The following MAPK4 variants were observed in gnomAD, a reference collection of about 807,000 sequenced individuals.
MAPK4 encodes the protein Erk3-related.
In MAPK4, 22 loss-of-function variants were observed where a neutral mutation model predicts 47.7. That is an observed-to-expected ratio of 0.46 (90% CI 0.33 to 0.66). The LOEUF is 0.66. MAPK4 is among the 30% of genes least tolerant of loss of function. MAPK4 has a pLI of 0.02. For synonymous variants in MAPK4, 390 were observed against 365.7 expected (o/e 1.07, Z -0.76); for missense variants, 736 against 831.7 (o/e 0.88, Z 1.42).
chr18:50,671,234 AC>A (rs1188919253), intron 2 of MAPK4, among the ~76,000 whole-genome samples: 2 of 152,124 alleles, frequency 1.3e-5, no homozygotes, highest in African/African-American at 2.4e-5. Context: ...ACTGCCTGCT[AC>A]CCCATGGCAC....
intron 3 of MAPK4, among the ~76,000 whole-genome samples, chr18:50,716,707 T>G (rs575779769): frequency 5.9e-5 from 9 of 152,130 alleles, no homozygotes; most frequent in Non-Finnish European, 1.3e-4. Flanking sequence ...CTCTTCTCAG[T>G]GCTTGCAGCC....
At chr18:50,634,102 G>A (rs995052366) in intron 1 of MAPK4, among the ~76,000 whole-genome samples, 4 of 152,118 alleles carry the variant, frequency 2.6e-5, no homozygotes, top group African/African-American at 7.2e-5. Context: ...ACTCTCAGGT[G>A]CACCATTTCT....
intron 1 of MAPK4, among the ~76,000 whole-genome samples, chr18:50,622,061 A>G (rs1344038148): frequency 1.3e-5 from 2 of 152,172 alleles, no homozygotes; most frequent in Non-Finnish European, 2.9e-5. Flanking sequence ...ATCTCAGTAG[A>G]CTTTATTATA....
chr18:50,681,368 G>C (rs1260688583), intron 2 of MAPK4, among the ~76,000 whole-genome samples: 1 of 152,116 alleles, frequency 6.6e-6, no homozygotes, highest in Non-Finnish European at 1.5e-5. Flanking sequence ...GTTCTTTTGT[G>C]TTGTCTTTTT....
chr18:50,569,554 G>A (rs539762345), intron 1 of MAPK4, among the ~76,000 whole-genome samples: 53 of 152,322 alleles, frequency 3.5e-4, no homozygotes, highest in African/African-American at 1.3e-3. Context: ...CTATCAGAGG[G>A]TGTCCAAGGG....
chr18:50,601,359 A>C (rs897880194), intron 1 of MAPK4, among the ~76,000 whole-genome samples: 1 of 127,258 alleles, frequency 7.9e-6, no homozygotes, highest in Non-Finnish European at 1.7e-5. Flanking sequence ...AAAAAAAAAA[A>C]GTTAGGGTGC....
intron 2 of MAPK4, among the ~76,000 whole-genome samples, chr18:50,686,616 C>T (rs535463413): frequency 6.6e-6 from 1 of 152,348 alleles, no homozygotes; most frequent in South Asian, 2.1e-4. Flanking sequence ...AGCTGGCTTC[C>T]TGTAGCTTCC....
rs777398945 is a variant in MAPK4, at chr18:50,664,338, A to G, written c.380A>G (p.Lys127Arg). 87 of 1,613,786 alleles carry G rather than the reference A, an allele frequency of 5.4e-5. No individual in the cohort carries two copies. Among genetic ancestry groups the G allele is most frequent in the Non-Finnish European group, 6.8e-5 (80 of 1,180,018 alleles). Residue 127 changes from lysine to arginine, a missense_variant, in exon 2 of 6, where the codon AAG (lysine) becomes AGG (arginine). Coordinates refer to ENST00000400384, the MANE Select transcript of MAPK4 (RefSeq NM_002747.4). The surrounding 1 kb of genome is among the most constrained non-coding windows in gnomAD (Gnocchi z 6.0). The part of the protein sequence containing the change: ...EQGTLAEEHA[K>R]LFMYQLLRGL... ...GGCACGCTGGCAGAAGAGCATGCCAAGCTGTTCATGTACCAGCTGCTCCGC... is the reference window on the plus strand; with the variant it reads ...GGCACGCTGGCAGAAGAGCATGCCAGGCTGTTCATGTACCAGCTGCTCCGC...
Position 50,663,870 on chromosome 18 carries a change from G to A in MAPK4, c.-89G>A. 1 of 1,143,392 alleles carries A rather than the reference G, an allele frequency of 8.7e-7. No homozygotes were observed. The highest frequency in any genetic ancestry group is 1.3e-6 in the Non-Finnish European group (1 of 797,236). The allele number at this position is 1,143,392 out of a possible 1,614,324, so 70.8% of individuals were successfully genotyped here. A position where few individuals can be genotyped will look rare whatever the true frequency, so the allele number is the denominator to read the frequency against. On this transcript the variant is annotated 5_prime_UTR_variant, in exon 2 of 6. The change abolishes an upstream ATG in the 5' untranslated region. Coordinates refer to ENST00000400384, the MANE Select transcript of MAPK4 (RefSeq NM_002747.4). ...CCTCAGCCGTGGGACTTGACAGAAT[G>A]AGGTGCGCGAGGGAGGCCGCTAGCC... is the stretch of plus-strand genomic sequence containing the variant.
At chr18:50,576,350 G>A (rs1244159544) in intron 1 of MAPK4, among the ~76,000 whole-genome samples, 1 of 152,186 alleles carries the variant, frequency 6.6e-6, no homozygotes, top group African/African-American at 2.4e-5. Flanking sequence ...CAACGTGGAT[G>A]GAGCTGGAGG....
intron 1 of MAPK4, among the ~76,000 whole-genome samples, chr18:50,646,176 G>A (rs997470798): frequency 1.3e-5 from 2 of 152,118 alleles, no homozygotes; most frequent in Non-Finnish European, 2.9e-5. Flanking sequence ...TTTTTTGTTT[G>A]TTTGTTTTTA....
chr18:50,654,574 A>G (rs2043086741), intron 1 of MAPK4, among the ~76,000 whole-genome samples: 1 of 152,230 alleles, frequency 6.6e-6, no homozygotes, highest in South Asian at 2.1e-4. Flanking sequence ...TTCCTTTAAA[A>G]AGAGAAGTTT....
Position 50,663,393 on chromosome 18 carries a change from C to G in MAPK4, c.-566C>G, listed in dbSNP as rs976959128. The G allele has an allele frequency of 3.3e-5, 5 of 152,172 alleles. No homozygotes were observed. The highest frequency in any genetic ancestry group is 1.2e-4 in the African/African-American group (5 of 41,398). 9.4% of individuals were successfully genotyped at this position (152,172 alleles called of 1,614,324 possible). A position where few individuals can be genotyped will look rare whatever the true frequency, so the allele number is the denominator to read the frequency against. On this transcript the variant is annotated 5_prime_UTR_variant, in exon 2 of 6. Coordinates refer to ENST00000400384, the MANE Select transcript of MAPK4 (RefSeq NM_002747.4). ...GAAACAGGAGAGGTAGAAAGAAGCC[C>G]CTGGATGCCTCCAGAATTCATTGAT...
At chr18:50,628,576 A>G (rs761590265) in intron 1 of MAPK4, among the ~76,000 whole-genome samples, 9 of 152,208 alleles carry the variant, frequency 5.9e-5, no homozygotes, top group Admixed American at 2.0e-4. Flanking sequence ...TTAATCTCTC[A>G]CTATCACCAA....
rs1254883363 is a variant in MAPK4 at position 50,731,681 on chromosome 18, G to A, written c.*1827G>A. On this transcript the variant is annotated 3_prime_UTR_variant, in exon 6 of 6. Coordinates refer to ENST00000400384, the MANE Select transcript of MAPK4 (RefSeq NM_002747.4). ...AGGGCGGCTTTACTTTTTTGGTAAA[G>A]GAACAAGCTGCTGGCCTTGACCAGG... The A allele has an allele frequency of 6.6e-6, 1 of 152,208 alleles. No individual in the cohort carries two copies. Among genetic ancestry groups the A allele is most frequent in the Non-Finnish European group, 1.5e-5 (1 of 68,030 alleles). 9.4% of individuals were successfully genotyped at this position (152,208 alleles called of 1,614,324 possible). A position where few individuals can be genotyped will look rare whatever the true frequency, so the allele number is the denominator to read the frequency against.
At chr18:50,569,046 G>A (rs999615538) in intron 1 of MAPK4, among the ~76,000 whole-genome samples, 7 of 152,192 alleles carry the variant, frequency 4.6e-5, no homozygotes, top group African/African-American at 1.7e-4. Context: ...GAATTCCTAA[G>A]CATCTTTTTG....
intron 1 of MAPK4, among the ~76,000 whole-genome samples, chr18:50,594,861 A>C (rs2042468403): frequency 1.3e-5 from 2 of 152,186 alleles, no homozygotes; most frequent in Non-Finnish European, 2.9e-5. Context: ...TATTTGAAGA[A>C]CTCCTACTAA....
chr18:50,697,585 A>C (rs927445088), intron 2 of MAPK4, among the ~76,000 whole-genome samples: 1 of 152,210 alleles, frequency 6.6e-6, no homozygotes, highest in African/African-American at 2.4e-5. Flanking sequence ...TCACTATAAC[A>C]TCTCTTTTAG....
At chr18:50,633,361 G>A (rs1462463229) in intron 1 of MAPK4, among the ~76,000 whole-genome samples, 1 of 152,222 alleles carries the variant, frequency 6.6e-6, no homozygotes, top group Non-Finnish European at 1.5e-5. Context: ...ACCCTCGCTG[G>A]ACCCAGTAAG....
Sources: allele counts gnomAD v4.1 joint callset (sites outside exome capture counted in the v4.1 genomes callset), GRCh38; gene constraint gnomAD v4.1.1; non-coding constraint Gnocchi (gnomAD v3.1); transcripts MANE v1.5; gene names NCBI Gene and HGNC (gene_info 2026-07-23, HGNC 2026-07-21).